The following GRIK1 variants were observed in gnomAD, a reference collection of about 807,000 sequenced individuals.
GRIK1 encodes glutamate ionotropic receptor kainate type subunit 1.
GRIK1 carries 69 observed loss-of-function variants against 105.7 expected under a neutral mutation model. The observed-to-expected ratio is 0.65, with a 90% CI of 0.54 to 0.80. GRIK1 has a LOEUF of 0.80. GRIK1 is among the 30% of genes least tolerant of loss of function. The pLI, the probability that GRIK1 is intolerant of heterozygous loss-of-function variation, is 0.00. For synonymous variants in GRIK1, 438 were observed against 431.3 expected (o/e 1.02, Z -0.19); for missense variants, 1,109 against 1,167.3 (o/e 0.95, Z 0.73).
At chr21:29,744,092 A>T (rs891110316) in intron 1 of GRIK1, among the ~76,000 whole-genome samples, 16 of 152,232 alleles carry the variant, frequency 1.1e-4, no homozygotes, top group Non-Finnish European at 2.2e-4. Flanking sequence ...GAAGTTAAAA[A>T]AATAGAAATT....
chr21:29,819,679 T>TC (rs200600487), intron 1 of GRIK1, among the ~76,000 whole-genome samples: 1,784 of 151,966 alleles, frequency 0.012, 20 homozygotes, highest in South Asian at 0.024. Context: ...TAATTCCTCC[T>TC]CCCCCAGAGA....
intron 14 of GRIK1, among the ~76,000 whole-genome samples, chr21:29,575,886 A>G (rs11910950): frequency 0.015 from 2,337 of 152,118 alleles, 50 homozygotes; most frequent in African/African-American, 0.053. Context: ...CAAACAAACA[A>G]AAAACCCCAA....
chr21:29,658,425 GC>G (rs1345881501), intron 4 of GRIK1, among the ~76,000 whole-genome samples: 1 of 152,066 alleles, frequency 6.6e-6, no homozygotes, highest in Non-Finnish European at 1.5e-5. Flanking sequence ...GCCATGCCTG[GC>G]TAATTTTTAT....
At chr21:29,689,347 A>G (rs1255658235) in intron 3 of GRIK1, among the ~76,000 whole-genome samples, 1 of 152,196 alleles carries the variant, frequency 6.6e-6, no homozygotes, top group Non-Finnish European at 1.5e-5. Context: ...TTTTCTAAAC[A>G]TTTACATAGC....
chr21:29,775,864 ATACT>A (rs2065931207), intron 1 of GRIK1, among the ~76,000 whole-genome samples: 1 of 152,222 alleles, frequency 6.6e-6, no homozygotes, highest in Non-Finnish European at 1.5e-5. Flanking sequence ...TAGTAGTTTT[ATACT>A]TACTTTGTAT....
intron 1 of GRIK1, among the ~76,000 whole-genome samples, chr21:29,790,417 T>C (rs995801749): frequency 1.4e-4 from 21 of 152,162 alleles, no homozygotes; most frequent in African/African-American, 4.8e-4. Context: ...CAGGTTAAGA[T>C]GTTAATCATA....
chr21:29,563,349 G>T (rs1169710393), intron 14 of GRIK1, among the ~76,000 whole-genome samples: 1 of 152,136 alleles, frequency 6.6e-6, no homozygotes, highest in Admixed American at 6.5e-5. Flanking sequence ...GTTAGGGGAG[G>T]ACAGATGGCT....
intron 1 of GRIK1, among the ~76,000 whole-genome samples, chr21:29,817,762 A>G (rs1052899811): frequency 6.6e-6 from 1 of 152,148 alleles, no homozygotes; most frequent in Admixed American, 6.5e-5. Flanking sequence ...GCTTTTGCAA[A>G]TCGCTGGTAT....
chr21:29,631,292 A>C (rs1036336986), intron 7 of GRIK1, among the ~76,000 whole-genome samples: 5 of 152,228 alleles, frequency 3.3e-5, no homozygotes, highest in Non-Finnish European at 7.3e-5. Context: ...TGGTACTAGC[A>C]GGTGAGGTCT....
chr21:29,639,416 G>C (rs1349013877), intron 7 of GRIK1, among the ~76,000 whole-genome samples: 1 of 152,172 alleles, frequency 6.6e-6, no homozygotes, highest in Non-Finnish European at 1.5e-5. Flanking sequence ...TGTGAGTCAG[G>C]GTCCTGCAGA....
At chr21:29,688,290 G>A (rs1222703354) in intron 3 of GRIK1, among the ~76,000 whole-genome samples, 9 of 152,098 alleles carry the variant, frequency 5.9e-5, no homozygotes, top group Admixed American at 5.9e-4. Flanking sequence ...AACCACACTC[G>A]TCACTTTTAT....
chr21:29,905,421 T>C (rs987769756), intron 1 of GRIK1, among the ~76,000 whole-genome samples: 4 of 91,936 alleles, frequency 4.4e-5, no homozygotes, highest in Non-Finnish European at 6.3e-5. Context: ...AAAATTTTTA[T>C]ATTATATATA....
intron 1 of GRIK1, among the ~76,000 whole-genome samples, chr21:29,854,179 T>C (rs1013980372): frequency 2.0e-5 from 3 of 151,982 alleles, no homozygotes; most frequent in Non-Finnish European, 4.4e-5. Context: ...GGGAGCTGCA[T>C]CACATGGCAA....
chr21:29,641,018 G>A (rs2062499293), intron 7 of GRIK1, among the ~76,000 whole-genome samples: 1 of 152,120 alleles, frequency 6.6e-6, no homozygotes, highest in Non-Finnish European at 1.5e-5. Flanking sequence ...CCTTCCAATG[G>A]CAAGAGAATA....
intron 15 of GRIK1, among the ~76,000 whole-genome samples, chr21:29,556,013 G>T (rs1420031398): frequency 6.6e-6 from 1 of 152,160 alleles, no homozygotes; most frequent in Non-Finnish European, 1.5e-5. Context: ...ACAAGATCCT[G>T]ATTTCAGTAA....
intron 1 of GRIK1, among the ~76,000 whole-genome samples, chr21:29,853,560 G>A (rs1193634303): frequency 1.3e-5 from 2 of 152,202 alleles, no homozygotes; most frequent in East Asian, 3.8e-4. Context: ...TACTTACTGT[G>A]TTTTTATAAA....
intron 1 of GRIK1, among the ~76,000 whole-genome samples, chr21:29,871,257 C>T (rs1002301533): frequency 2.6e-5 from 4 of 152,090 alleles, no homozygotes; most frequent in Admixed American, 6.6e-5. Context: ...GGCCAATTTA[C>T]AAAAACAACA....
chr21:29,610,624 A>C (rs1432445524), intron 7 of GRIK1, among the ~76,000 whole-genome samples: 1 of 152,184 alleles, frequency 6.6e-6, no homozygotes, highest in East Asian at 1.9e-4. Context: ...ATCCAGAAAG[A>C]ATCGGCCTTA....
intron 7 of GRIK1, among the ~76,000 whole-genome samples, chr21:29,624,546 G>A (rs1240759574): frequency 6.6e-6 from 1 of 152,142 alleles, no homozygotes; most frequent in East Asian, 1.9e-4. Context: ...ATAACCAAAA[G>A]GTCAGCTCAA....
Sources: gnomAD v4.1 joint callset for allele counts (sites outside exome capture counted in the v4.1 genomes callset) on GRCh38, gnomAD v4.1.1 for gene constraint, MANE v1.5 for transcripts, NCBI Gene and HGNC (gene_info 2026-07-23, HGNC 2026-07-21) for gene names.